Variants in VIPR2 observed in about 807,000 individuals in gnomAD.
VIPR2 encodes vasoactive intestinal polypeptide receptor 2.
Under a neutral mutation model 58.0 loss-of-function variants are expected in VIPR2, and 48 were observed. The ratio of observed to expected loss-of-function variants is 0.83; its 90% CI spans 0.66 to 1.05. The LOEUF (loss-of-function observed/expected upper bound fraction) is 1.05, where lower values mean the gene tolerates loss of function less well. VIPR2 is among the 50% of genes least tolerant of loss of function. The pLI, the probability that VIPR2 is intolerant of heterozygous loss-of-function variation, is 0.00. For missense variants in VIPR2, 534 were observed against 558.0 expected (o/e 0.96, Z 0.43); for synonymous variants, 243 against 235.2 (o/e 1.03, Z -0.30).
Position 159,031,802 on chromosome 7 carries a change from T to A in VIPR2, c.1143+26A>T. ...CAGGAAGCAAGTGAGTACCTGTGCT[T>A]GGTTCCAAGGCGGCCATGAACTTAC... On this transcript the variant is annotated intron_variant, in intron 12 of 12. Coordinates refer to ENST00000262178, the MANE Select transcript of VIPR2 (RefSeq NM_003382.5). The surrounding 1 kb of genome is among the most constrained non-coding windows in gnomAD (Gnocchi z 4.0). 1 of 1,613,844 alleles carries A rather than the reference T, an allele frequency of 6.2e-7. No individual in the cohort carries two copies. Among genetic ancestry groups the A allele is most frequent in the Non-Finnish European group, 8.5e-7 (1 of 1,180,002 alleles).
intron 4 of VIPR2, among the ~76,000 whole-genome samples, chr7:159,101,542 G>A (rs1217647142): frequency 5.6e-5 from 7 of 124,512 alleles, no homozygotes; most frequent in South Asian, 3.0e-4. Flanking sequence ...CCGACGAGGC[G>A]GTTCCCCTGA....
chr7:159,045,069 C>T lies in VIPR2; in HGVS notation c.456-1893G>A, dbSNP rs116607498. On this transcript the variant is annotated intron_variant, in intron 5 of 12. Transcript: ENST00000262178. ...TACAGGTGTGAGCCACCGCACCTGG[C>T]CTAGGTTTGAGCAGGCAAAAGAAAT... Among the ~76,000 whole-genome samples the T allele has an allele frequency of 8.4e-3, 1,274 of 152,238 alleles. 18 individuals carry two copies. The highest frequency in any genetic ancestry group is 0.029 in the African/African-American group (1,205 of 41,534).
At chr7:159,073,216 C>T (rs549270845) in intron 4 of VIPR2, among the ~76,000 whole-genome samples, 1 of 152,232 alleles carries the variant, frequency 6.6e-6, no homozygotes, top group Non-Finnish European at 1.5e-5. Context: ...AATAATTTCA[C>T]TTACAAATAC....
At position 159,144,704 on chromosome 7, in the gene VIPR2, G is replaced by A. The variant is rs1797620811; in HGVS notation, c.51+17C>T. The A allele has an allele frequency of 3.8e-6, 5 of 1,330,578 alleles. No homozygotes were observed. The highest frequency in any genetic ancestry group is 3.1e-5 in the East Asian group (1 of 32,164). The allele number at this position is 1,330,578 out of a possible 1,614,324, so 82.4% of individuals were successfully genotyped here. A position where few individuals can be genotyped will look rare whatever the true frequency, so the allele number is the denominator to read the frequency against. On this transcript the variant is annotated intron_variant, in intron 1 of 12. Coordinates refer to ENST00000262178, the MANE Select transcript of VIPR2 (RefSeq NM_003382.5). Reference sequence around the variant, plus strand: ...GGGTCCGAGGCGCCGTGGGGCGGGGGTCGCGGGCGCACTCACGGGGGCGAG... The same window carrying A: ...GGGTCCGAGGCGCCGTGGGGCGGGGATCGCGGGCGCACTCACGGGGGCGAG...
Position 159,127,383 on chromosome 7 carries a change from C to A in VIPR2, c.151+15063G>T, listed in dbSNP as rs1291554284. 1.3e-5 allele frequency among the ~76,000 whole-genome samples: 2 copies of A among 152,196 alleles called. No homozygotes were observed. Among genetic ancestry groups the A allele is most frequent in the African/African-American group, 2.4e-5 (1 of 41,444 alleles). On this transcript the variant is annotated intron_variant, in intron 2 of 12. Coordinates refer to ENST00000262178, the MANE Select transcript of VIPR2 (RefSeq NM_003382.5). The surrounding 1 kb of genome is among the most constrained non-coding windows in gnomAD (Gnocchi z 4.6). ...GGTACCTGAACAAACATTAAACCCA[C>A]AACTCCAAATCCAGAAATAACCAAA... is the stretch of plus-strand genomic sequence containing the variant.
At chr7:159,120,180 A>G (rs1349286425) in intron 2 of VIPR2, among the ~76,000 whole-genome samples, 1 of 152,212 alleles carries the variant, frequency 6.6e-6, no homozygotes, top group African/African-American at 2.4e-5. Flanking sequence ...GTTCAGACTC[A>G]TACTAAACAT....
chr7:159,096,467 C>CT lies in VIPR2; in HGVS notation c.357+7289dup, dbSNP rs1339943872. ...TCCACCTTCCTGATCATGTGGACCT[C>CT]TAATTCCTTCACCTTCATCTCCCTC... On this transcript the variant is annotated intron_variant, in intron 4 of 12. Coordinates refer to ENST00000262178, the MANE Select transcript of VIPR2 (RefSeq NM_003382.5). The surrounding 1 kb of genome is among the most constrained non-coding windows in gnomAD (Gnocchi z 5.5). Among the ~76,000 whole-genome samples the CT allele has an allele frequency of 6.6e-6, 1 of 152,188 alleles. No homozygotes were observed. The highest frequency in any genetic ancestry group is 6.5e-5 in the Admixed American group (1 of 15,284).
chr7:159,101,327 C>T lies in VIPR2; in HGVS notation c.357+2430G>A, dbSNP rs192911764. Among the ~76,000 whole-genome samples the T allele has an allele frequency of 4.5e-3, 661 of 145,868 alleles. 20 individuals carry two copies. The East Asian group carries it at 0.081, about 18-fold the overall frequency. ...ACGGGTCTCACGAGATCCGACGAGG[C>T]GGTTCCCCTGACTGTTCCTGTGGTA... On this transcript the variant is annotated intron_variant, in intron 4 of 12. Transcript: ENST00000262178.
chr7:159,106,693 G>A (rs1383751108), intron 3 of VIPR2, among the ~76,000 whole-genome samples: 10 of 98,454 alleles, frequency 1.0e-4, no homozygotes, highest in African/African-American at 1.7e-4. Flanking sequence ...GGGCAGAGAG[G>A]CCAGGGAGGG....
chr7:159,055,364 C>T (rs906795514), intron 5 of VIPR2, among the ~76,000 whole-genome samples: 8 of 152,208 alleles, frequency 5.3e-5, no homozygotes, highest in African/African-American at 1.7e-4. Context: ...TCCCACATCT[C>T]GATCTGGTGC....
chr7:159,062,215 G>A lies in VIPR2; in HGVS notation c.358-3637C>T, dbSNP rs1301269497. ...GGACACCCCGAAGGGTTCAGCCTGA[G>A]CCCCGGCAAGTCACAGCCACAGCAG... On this transcript the variant is annotated intron_variant, in intron 4 of 12. Coordinates refer to ENST00000262178, the MANE Select transcript of VIPR2 (RefSeq NM_003382.5). Among the ~76,000 whole-genome samples, 4 of 152,210 alleles carry A rather than the reference G, an allele frequency of 2.6e-5. No individual in the cohort carries two copies. The East Asian group carries it at 7.7e-4, about 29-fold the overall frequency.
intron 4 of VIPR2, 145 bp from the exon 5 acceptor site, chr7:159,058,723 C>T (rs1855467492): frequency 1.6e-6 from 1 of 626,212 alleles, no homozygotes. Flanking sequence ...CTTTATAATT[C>T]CACCTCCATT....
At chr7:159,105,781 G>A (rs990240179) in intron 3 of VIPR2, among the ~76,000 whole-genome samples, 9 of 152,180 alleles carry the variant, frequency 5.9e-5, no homozygotes, top group African/African-American at 4.8e-5. Flanking sequence ...CTGGTCCCAC[G>A]GCCCCATTGT....
chr7:159,127,382 A>C lies in VIPR2; in HGVS notation c.151+15064T>G, dbSNP rs1182639530. Among the ~76,000 whole-genome samples, 1 of 152,218 alleles carries C rather than the reference A, an allele frequency of 6.6e-6. No individual in the cohort carries two copies. The highest frequency in any genetic ancestry group is 1.5e-5 in the Non-Finnish European group (1 of 68,044). ...TGGTACCTGAACAAACATTAAACCC[A>C]CAACTCCAAATCCAGAAATAACCAA... On this transcript the variant is annotated intron_variant, in intron 2 of 12. Coordinates refer to ENST00000262178, the MANE Select transcript of VIPR2 (RefSeq NM_003382.5). The surrounding 1 kb of genome is among the most constrained non-coding windows in gnomAD (Gnocchi z 4.6).
chr7:159,112,808 G>A (rs1278364234), intron 2 of VIPR2, among the ~76,000 whole-genome samples: 4 of 149,262 alleles, frequency 2.7e-5, no homozygotes, highest in Non-Finnish European at 6.0e-5. Flanking sequence ...TGAGAGCCCC[G>A]ACTGTGAAGA....
At chr7:159,064,459 G>A (rs1008551234) in intron 4 of VIPR2, among the ~76,000 whole-genome samples, 2 of 152,158 alleles carry the variant, frequency 1.3e-5, no homozygotes, top group African/African-American at 4.8e-5. Flanking sequence ...TTCGTTGTGA[G>A]TGAGGATGAT....
At chr7:159,082,312 G>T (rs543444082) in intron 4 of VIPR2, among the ~76,000 whole-genome samples, 162 of 152,324 alleles carry the variant, frequency 1.1e-3, no homozygotes, top group Non-Finnish European at 1.7e-3. Flanking sequence ...CATGTCCTTT[G>T]TAGGGACACG....
intron 4 of VIPR2, among the ~76,000 whole-genome samples, chr7:159,089,715 ACAG>A (rs1050871622): frequency 7.9e-5 from 12 of 152,116 alleles, no homozygotes; most frequent in Non-Finnish European, 1.6e-4. Flanking sequence ...AACAACAACA[ACAG>A]CAAAAACCTG....
At chr7:159,121,938 T>C (rs1585541486) in intron 2 of VIPR2, among the ~76,000 whole-genome samples, 1 of 152,244 alleles carries the variant, frequency 6.6e-6, no homozygotes, top group African/African-American at 2.4e-5. Context: ...GAAGTCAACA[T>C]GGTTTAACCT....
Sources: gnomAD v4.1 joint callset for allele counts (sites outside exome capture counted in the v4.1 genomes callset) on GRCh38, gnomAD v4.1.1 for gene constraint, Gnocchi (gnomAD v3.1) non-coding constraint, MANE v1.5 for transcripts, NCBI Gene and HGNC (gene_info 2026-07-23, HGNC 2026-07-21) for gene names.